Variants in STOX1 observed in about 807,000 individuals in gnomAD.
STOX1 encodes storkhead-box protein 1.
In STOX1, 57 loss-of-function variants were observed where a neutral mutation model predicts 74.8. The observed-to-expected ratio is 0.76, with a 90% confidence interval of 0.62 to 0.95. The LOEUF is 0.95. STOX1 is among the 40% of genes least tolerant of loss of function. STOX1 has a pLI of 0.00. For synonymous variants in STOX1, 375 were observed against 401.3 expected, an observed-to-expected ratio of 0.93 and a Z score of 0.78; for missense variants, 1,010 against 1,117.0, an observed-to-expected ratio of 0.90 and a Z score of 1.37.
intron 3 of STOX1, among the ~76,000 whole-genome samples, chr10:68,888,229 T>C (rs950311664): frequency 6.6e-6 from 1 of 152,052 alleles, no homozygotes; most frequent in African/African-American, 2.4e-5. Context: ...GTCCCCCAAG[T>C]AGCTGGGATT....
chr10:68,830,018 G>T (rs576963001), intron 1 of STOX1, among the ~76,000 whole-genome samples: 1 of 152,164 alleles, frequency 6.6e-6, no homozygotes, highest in Non-Finnish European at 1.5e-5. Flanking sequence ...GATGCAGGGT[G>T]GGGGGTCTAG....
chr10:68,892,461 TA>T (rs2132009304), intron 3 of STOX1, 127 bp from the exon 4 acceptor site: 2 of 861,634 alleles, frequency 2.3e-6, no homozygotes, highest in South Asian at 1.6e-5. Context: ...AAGGTTAACT[TA>T]TTTGATAAGT....
intron 3 of STOX1, among the ~76,000 whole-genome samples, chr10:68,888,081 A>T (rs576567389): frequency 6.6e-6 from 1 of 151,868 alleles, no homozygotes; most frequent in African/African-American, 2.4e-5. Flanking sequence ...ACGCGCGCAC[A>T]CACGCACACA....
intron 1 of STOX1, among the ~76,000 whole-genome samples, chr10:68,854,403 C>T (rs1274821743): frequency 1.3e-5 from 2 of 151,696 alleles, no homozygotes; most frequent in Non-Finnish European, 2.9e-5. Context: ...CTCAGGTGAT[C>T]CTCCCACCTC....
chr10:68,876,345 G>A (rs1431005998), intron 1 of STOX1, among the ~76,000 whole-genome samples: 3 of 151,564 alleles, frequency 2.0e-5, no homozygotes, highest in Non-Finnish European at 2.9e-5. Flanking sequence ...TAGTAGAGAC[G>A]GGGTTTCTCC....
chr10:68,857,096 C>T (rs1840145272), intron 1 of STOX1, among the ~76,000 whole-genome samples: 1 of 152,018 alleles, frequency 6.6e-6, no homozygotes, highest in Admixed American at 6.5e-5. Context: ...ATTTTGAATG[C>T]AAACATGGTG....
At chr10:68,846,119 T>TTTTTTATTATTATTATTA (rs1167242930) in intron 1 of STOX1, among the ~76,000 whole-genome samples, 15 of 135,836 alleles carry the variant, frequency 1.1e-4, no homozygotes, top group African/African-American at 3.4e-4. Flanking sequence ...GCTTGAGGTT[T>TTTTTTATTATTATTATTA]TTATTATTAT....
chr10:68,851,174 A>G (rs566124824), intron 1 of STOX1, among the ~76,000 whole-genome samples: 17 of 142,646 alleles, frequency 1.2e-4, no homozygotes, highest in African/African-American at 3.9e-4. Flanking sequence ...TGTGTTGTGT[A>G]CACCTTTGGT....
Position 68,857,233 on chromosome 10 carries a change from A to G in STOX1, c.311-24725A>G, listed in dbSNP as rs373170516. 6.6e-5 allele frequency among the ~76,000 whole-genome samples: 10 copies of G among 151,996 alleles called. No homozygotes were observed. The South Asian group carries it at 1.5e-3, about 22-fold the overall frequency. The stretch of plus-strand genomic sequence containing the variant: ...AGGGTGGTATGATGAAAGATGGAAA[A>G]ATCTCCAGCCGTAGTGGTCAGACAC... On this transcript the variant is annotated intron_variant, in intron 1 of 3. Transcript: ENST00000298596.
chr10:68,876,399 G>A (rs990946839), intron 1 of STOX1, among the ~76,000 whole-genome samples: 3 of 151,662 alleles, frequency 2.0e-5, no homozygotes, highest in African/African-American at 7.3e-5. Flanking sequence ...CAGGTGATCC[G>A]CCCCCCTCAG....
chr10:68,847,566 C>T (rs756684472), intron 1 of STOX1, among the ~76,000 whole-genome samples: 6 of 151,402 alleles, frequency 4.0e-5, no homozygotes, highest in Non-Finnish European at 5.9e-5. Context: ...TGCACCACCA[C>T]GCCCGGCTAA....
chr10:68,872,195 C>T (rs1177938728), intron 1 of STOX1, among the ~76,000 whole-genome samples: 2 of 151,974 alleles, frequency 1.3e-5, no homozygotes, highest in Admixed American at 6.6e-5. Flanking sequence ...ACTTGAAGGT[C>T]AATAATGCAT....
intron 1 of STOX1, among the ~76,000 whole-genome samples, chr10:68,869,593 C>A (rs1338446522): frequency 6.6e-6 from 1 of 151,966 alleles, no homozygotes; most frequent in Non-Finnish European, 1.5e-5. Flanking sequence ...AGGATATGGA[C>A]AGATACTGAC....
intron 1 of STOX1, among the ~76,000 whole-genome samples, chr10:68,846,186 A>G (rs1028749726): frequency 1.4e-5 from 2 of 147,406 alleles, no homozygotes; most frequent in African/African-American, 2.5e-5. Flanking sequence ...TCGCTCTGTC[A>G]CCCAGGCTGG....
intron 3 of STOX1, among the ~76,000 whole-genome samples, chr10:68,889,357 A>G (rs1417926169): frequency 6.6e-6 from 1 of 152,032 alleles, no homozygotes; most frequent in African/African-American, 2.4e-5. Flanking sequence ...GAGACAATAT[A>G]TTGCTATGTT....
At chr10:68,855,279 C>G (rs1476315542) in intron 1 of STOX1, among the ~76,000 whole-genome samples, 1 of 151,658 alleles carries the variant, frequency 6.6e-6, no homozygotes, top group African/African-American at 2.4e-5. Context: ...CACCACCACA[C>G]CCAGCTAATT....
At chr10:68,855,767 A>ATT (rs1455227646) in intron 1 of STOX1, among the ~76,000 whole-genome samples, 1 of 151,570 alleles carries the variant, frequency 6.6e-6, no homozygotes, top group East Asian at 2.0e-4. Flanking sequence ...AAAAAAACAA[A>ATT]AAAAGACTCT....
chr10:68,851,311 A>G (rs959077679), intron 1 of STOX1, among the ~76,000 whole-genome samples: 9 of 152,096 alleles, frequency 5.9e-5, no homozygotes, highest in East Asian at 1.9e-4. Flanking sequence ...AAAAAAAAAA[A>G]AAAAAGAAAA....
intron 1 of STOX1, among the ~76,000 whole-genome samples, chr10:68,862,970 A>T (rs1149682): frequency 0.93 from 142,024 of 152,154 alleles, 66,379 homozygotes; most frequent in East Asian, 0.99. Flanking sequence ...AGAAAGCATG[A>T]GTAACTGTGC....
Sources: gnomAD v4.1 joint callset for allele counts (sites outside exome capture counted in the v4.1 genomes callset) on GRCh38, gnomAD v4.1.1 for gene constraint, MANE v1.5 for transcripts, NCBI Gene and HGNC (gene_info 2026-07-23, HGNC 2026-07-21) for gene names.